Variants in UIMC1 observed in about 807,000 individuals in gnomAD.
The protein encoded by UIMC1 is BRCA1-A complex subunit RAP80.
A neutral mutation model predicts 84.9 loss-of-function variants in UIMC1; 42 were observed. That is an observed-to-expected ratio of 0.49 (90% confidence interval 0.39 to 0.64). The LOEUF (loss-of-function observed/expected upper bound fraction) is 0.64, where lower values mean the gene tolerates loss of function less well. Among genes scored for constraint, UIMC1 ranks in the 30% least tolerant of loss-of-function variants. UIMC1 has a pLI of 0.00. For synonymous variants in UIMC1, 281 were observed against 293.0 expected, an observed-to-expected ratio of 0.96 and a Z score of 0.42; for missense variants, 825 against 847.6, an observed-to-expected ratio of 0.97 and a Z score of 0.33.
chr5:176,967,026 G>C (rs545362577), intron 6 of UIMC1, among the ~76,000 whole-genome samples: 13 of 152,300 alleles, frequency 8.5e-5, no homozygotes, highest in Admixed American at 5.2e-4. Flanking sequence ...AGATCAAGAA[G>C]TCTGACAATA....
intron 1 of UIMC1, among the ~76,000 whole-genome samples, chr5:176,994,883 G>T (rs1455073136): frequency 6.6e-6 from 1 of 151,902 alleles, no homozygotes; most frequent in Non-Finnish European, 1.5e-5. Flanking sequence ...TACAAAACTT[G>T]TGAAACACAG....
At chr5:176,980,536 A>G (rs147162605) in intron 2 of UIMC1, among the ~76,000 whole-genome samples, 9 of 152,326 alleles carry the variant, frequency 5.9e-5, no homozygotes, top group Admixed American at 5.9e-4. Context: ...CACAGATGAC[A>G]TCAAGAAATT....
In UIMC1 at chr5:176,968,961, T is replaced by C. The variant is rs1418881601; in HGVS notation, c.794A>G (p.Lys265Arg). The C allele has an allele frequency of 4.3e-6, 7 of 1,614,032 alleles. No homozygotes were observed. Among genetic ancestry groups the C allele is most frequent in the South Asian group, 1.1e-5 (1 of 91,084 alleles). The change falls in exon 6 of 15, where the codon AAA becomes AGA. Residue 265 changes from lysine (K) to arginine (R), a missense_variant. Lys to Arg is a conservative substitution (Grantham distance 26, BLOSUM62 2). Coordinates refer to ENST00000511320, the MANE Select transcript of UIMC1 (RefSeq NM_001199298.2). ...AGTGCCCCCAGTGTCCTGGAGACCT[T>C]TGGCATCTGCTAGGGTAGGTAGACA... ...RHCLPTLADA[K>R]GLQDTGGTVN...
chr5:177,016,980 G>A (rs1243067251), intron 1 of UIMC1, among the ~76,000 whole-genome samples: 4 of 152,128 alleles, frequency 2.6e-5, no homozygotes, highest in African/African-American at 2.4e-5. Context: ...CTGAGATTGC[G>A]CCATTGCACT....
At chr5:176,932,887 A>G (rs1432613075) in intron 10 of UIMC1, among the ~76,000 whole-genome samples, 1 of 138,196 alleles carries the variant, frequency 7.2e-6, no homozygotes, top group East Asian at 2.0e-4. Context: ...TTTTTACAGG[A>G]ATGGAACAGC....
chr5:176,956,791 A>C (rs938344021), intron 7 of UIMC1, among the ~76,000 whole-genome samples: 5 of 151,870 alleles, frequency 3.3e-5, no homozygotes, highest in Admixed American at 3.3e-4. Flanking sequence ...ATCAACCAAG[A>C]ACCACAGAGA....
chr5:176,969,535 C>G, intron 5 of UIMC1, 66 bp downstream of exon 5: 1 of 1,522,984 alleles, frequency 6.6e-7, no homozygotes, highest in Non-Finnish European at 9.1e-7. Context: ...TATCTACTCT[C>G]AGCATGAGAT....
rs368902799 is a variant in UIMC1, at chr5:176,911,303, C to T, written c.1676+8G>A. The T allele has an allele frequency of 2.5e-6, 4 of 1,591,874 alleles. No homozygotes were observed. Among genetic ancestry groups the T allele is most frequent in the Non-Finnish European group, 3.4e-6 (4 of 1,168,518 alleles). On this transcript the variant is annotated splice_region_variant and intron_variant, in intron 11 of 14. Transcript: ENST00000511320. ...CAAGAGCTCCGTGAATGCAGCATAC[C>T]TACTTACTTGTCAATGTCTAGAGAA...
intron 10 of UIMC1, among the ~76,000 whole-genome samples, chr5:176,941,596 T>C (rs796652972): frequency 2.6e-5 from 4 of 152,292 alleles, no homozygotes; most frequent in African/African-American, 9.6e-5. Context: ...ACTTCATAAT[T>C]ATACAATGTC....
intron 1 of UIMC1, among the ~76,000 whole-genome samples, chr5:176,991,120 G>C (rs190912208): frequency 0.027 from 4,078 of 151,988 alleles, 209 homozygotes; most frequent in African/African-American, 0.093. Context: ...CCATTCTCCT[G>C]CTTCAGCCTC....
intron 6 of UIMC1, among the ~76,000 whole-genome samples, chr5:176,963,651 C>T (rs534139435): frequency 2.0e-5 from 3 of 151,942 alleles, no homozygotes; most frequent in Non-Finnish European, 4.4e-5. Context: ...CTTAAAAATT[C>T]CATTTTCTGA....
chr5:176,905,118 G>C lies in UIMC1; in HGVS notation c.*164C>G. On this transcript the variant is annotated 3_prime_UTR_variant, in exon 15 of 15. Transcript: ENST00000511320. ...TATAAAACAGAATACACAGTTGTCTGCATAGATCATAAAAAACATAAAAAC... is the reference window on the plus strand; with the variant it reads ...TATAAAACAGAATACACAGTTGTCTCCATAGATCATAAAAAACATAAAAAC... 1 of 642,918 alleles carries C rather than the reference G, an allele frequency of 1.6e-6. No individual in the cohort carries two copies. Among genetic ancestry groups the C allele is most frequent in the Non-Finnish European group, 2.6e-6 (1 of 377,442 alleles). The allele number at this position is 642,918 out of a possible 1,614,324, so 39.8% of individuals were successfully genotyped here.
intron 10 of UIMC1, among the ~76,000 whole-genome samples, chr5:176,920,495 A>G (rs886724660): frequency 2.0e-5 from 3 of 151,714 alleles, no homozygotes; most frequent in Admixed American, 6.6e-5. Context: ...GAAGTTTTTT[A>G]TTTCTTTTGT....
chr5:176,929,428 G>A (rs1001734420), intron 10 of UIMC1, among the ~76,000 whole-genome samples: 5 of 151,392 alleles, frequency 3.3e-5, no homozygotes, highest in African/African-American at 7.3e-5. Flanking sequence ...TTAGCCAGGC[G>A]TGGTGGCGGG....
intron 5 of UIMC1, 80 bp downstream of exon 5, chr5:176,969,521 C>T (rs1768876279): frequency 2.1e-6 from 3 of 1,440,598 alleles, no homozygotes; most frequent in Non-Finnish European, 2.9e-6. Context: ...GGGGTATTTC[C>T]GTGTATCTAC....
chr5:176,928,247 T>C (rs1211417597), intron 10 of UIMC1, among the ~76,000 whole-genome samples: 1 of 152,182 alleles, frequency 6.6e-6, no homozygotes, highest in Non-Finnish European at 1.5e-5. Context: ...TGAGTAGCAG[T>C]GGCAAAGACT....
At chr5:176,906,197 G>A (rs1027699526) in intron 13 of UIMC1, 150 bp from the exon 14 acceptor site, 12 of 674,160 alleles carry the variant, frequency 1.8e-5, no homozygotes, top group Admixed American at 1.5e-4. Flanking sequence ...ACCCACAGAC[G>A]GTGAGCATTA....
chr5:177,006,061 G>A (rs1047805027), intron 1 of UIMC1, among the ~76,000 whole-genome samples: 5 of 152,200 alleles, frequency 3.3e-5, no homozygotes, highest in Non-Finnish European at 7.4e-5. Context: ...CAACAAAACA[G>A]CAACCCGGCA....
rs1158377306 is a variant in UIMC1 at position 176,944,647 on chromosome 5, A to G, written c.1444-1159T>C. 3.9e-5 allele frequency among the ~76,000 whole-genome samples: 6 copies of G among 152,244 alleles called. No individual in the cohort carries two copies. In the East Asian group the frequency reaches 5.8e-4, roughly 15 times the overall value. ...CAAAACACGACCAAAACTTCAATGCATAGAAAATGTGACTTCTGAGTCAAC... is the reference window on the plus strand; with the variant it reads ...CAAAACACGACCAAAACTTCAATGCGTAGAAAATGTGACTTCTGAGTCAAC... On this transcript the variant is annotated intron_variant, in intron 9 of 14. Transcript: ENST00000511320.
Sources: allele counts gnomAD v4.1 joint callset (sites outside exome capture counted in the v4.1 genomes callset), GRCh38; gene constraint gnomAD v4.1.1; transcripts MANE v1.5; gene names NCBI Gene and HGNC (gene_info 2026-07-23, HGNC 2026-07-21).